Variants in NWD2 observed in about 807,000 individuals in gnomAD.
NWD2 encodes NACHT and WD repeat domain containing 2.
In NWD2, 37 loss-of-function variants were observed where a neutral mutation model predicts 132.7. The observed-to-expected ratio is 0.28, with a 90% CI of 0.21 to 0.37. NWD2 has a LOEUF of 0.37. Among genes scored for constraint, NWD2 ranks in the 10% least tolerant of loss-of-function variants. The pLI is 1.00. For synonymous variants in NWD2, 705 were observed against 803.0 expected (o/e 0.88, Z 2.06); for missense variants, 1,592 against 2,122.4 (o/e 0.75, Z 4.91).
chr4:37,348,675 T>TATATATATATATATAC (rs1308407988), intron 2 of NWD2, among the ~76,000 whole-genome samples: 10 of 22,576 alleles, frequency 4.4e-4, no homozygotes, highest in Non-Finnish European at 6.1e-4. Flanking sequence ...TATATATATA[T>TATATATATATATATAC]ACACACACAC....
chr4:37,377,360 C>T lies in NWD2; in HGVS notation c.357+20878C>T, dbSNP rs143425923. Among the ~76,000 whole-genome samples the T allele has an allele frequency of 4.1e-3, 626 of 152,262 alleles. 1 individual carries two copies. Among genetic ancestry groups the T allele is most frequent in the Non-Finnish European group, 4.5e-3 (305 of 68,024 alleles). On this transcript the variant is annotated intron_variant, in intron 3 of 6. Transcript: ENST00000309447. ...AGTAAAACAAAAAATTAAATTCACT[C>T]ATAAGGTTTTATGAAGACCTGCAAA...
At chr4:37,334,889 C>A (rs1170664926) in intron 2 of NWD2, among the ~76,000 whole-genome samples, 1 of 152,156 alleles carries the variant, frequency 6.6e-6, no homozygotes, top group African/African-American at 2.4e-5. Context: ...GATCTGCCAA[C>A]TCTACCTCCC....
At position 37,259,150 on chromosome 4, in the gene NWD2, T is replaced by C. The variant is rs554005746; in HGVS notation, c.151+13932T>C. 3.5e-4 allele frequency among the ~76,000 whole-genome samples: 54 copies of C among 152,314 alleles called. No homozygotes were observed. The South Asian group carries it at 0.01, about 29-fold the overall frequency. On this transcript the variant is annotated intron_variant, in intron 1 of 6. Transcript: ENST00000309447. Reference sequence around the variant, plus strand: ...ATAATCTAGATTATGCACTGCCCAGTGTTTATGAGCTGTGTAACCTGGGGC... The same window carrying C: ...ATAATCTAGATTATGCACTGCCCAGCGTTTATGAGCTGTGTAACCTGGGGC...
intron 1 of NWD2, among the ~76,000 whole-genome samples, chr4:37,260,342 T>G (rs1717604189): frequency 6.6e-6 from 1 of 152,154 alleles, no homozygotes; most frequent in African/African-American, 2.4e-5. Flanking sequence ...GACAAACAGG[T>G]TCTCTGGGGC....
rs1712562903 is a variant in NWD2, at chr4:37,444,091, G to A, written c.2103G>A (p.Leu701=). Residue 701 remains leucine (L), a synonymous_variant, in exon 7 of 7, where the codon CTG becomes CTA. Coordinates refer to ENST00000309447, the MANE Select transcript of NWD2 (RefSeq NM_001144990.2). The surrounding 1 kb of genome is among the most constrained non-coding windows in gnomAD (Gnocchi z 4.8). ...LKENTRPSNP[L]RVPYLYIARL... is the part of the protein sequence containing the mutation. ...AAAACACCAGACCCAGCAATCCCCT[G>A]AGAGTACCTTACTTGTACATTGCAA... 3 of 1,551,584 alleles carry A rather than the reference G, an allele frequency of 1.9e-6. No individual in the cohort carries two copies. Among genetic ancestry groups the A allele is most frequent in the South Asian group, 1.2e-5 (1 of 84,058 alleles).
At chr4:37,408,490 T>C (rs1393656547) in intron 3 of NWD2, among the ~76,000 whole-genome samples, 1 of 152,200 alleles carries the variant, frequency 6.6e-6, no homozygotes, top group Non-Finnish European at 1.5e-5. Flanking sequence ...TTTTCTTCTC[T>C]GGGCAGGGCA....
chr4:37,404,184 C>T (rs1348920138), intron 3 of NWD2, among the ~76,000 whole-genome samples: 1 of 152,142 alleles, frequency 6.6e-6, no homozygotes, highest in Non-Finnish European at 1.5e-5. Context: ...CATATACTTG[C>T]TGTGTGACCA....
chr4:37,252,818 C>T lies in NWD2; in HGVS notation c.151+7600C>T, dbSNP rs371281352. Among the ~76,000 whole-genome samples the T allele has an allele frequency of 2.8e-4, 43 of 152,314 alleles. No homozygotes were observed. In the South Asian group the frequency reaches 8.9e-3, roughly 32 times the overall value. On this transcript the variant is annotated intron_variant, in intron 1 of 6. Transcript: ENST00000309447. ...AAAGGAAATGGAAGCTGCCCATCCT[C>T]TTAAGGCCTGGGCTTGGAAGTCCCA...
intron 3 of NWD2, among the ~76,000 whole-genome samples, chr4:37,402,579 C>G (rs533267438): frequency 2.0e-5 from 3 of 152,192 alleles, no homozygotes; most frequent in East Asian, 1.9e-4. Flanking sequence ...TGTACTTCCC[C>G]CATATCTAGA....
At chr4:37,297,939 G>A (rs1477454780) in intron 1 of NWD2, among the ~76,000 whole-genome samples, 3 of 152,072 alleles carry the variant, frequency 2.0e-5, no homozygotes, top group African/African-American at 7.2e-5. Flanking sequence ...AATCATTGAT[G>A]TTCCAGCTAG....
chr4:37,428,312 C>G (rs1712062800), intron 3 of NWD2, among the ~76,000 whole-genome samples: 1 of 152,164 alleles, frequency 6.6e-6, no homozygotes, highest in African/African-American at 2.4e-5. Flanking sequence ...TGCTAAAATG[C>G]TAATCAACAA....
chr4:37,346,724 G>C (rs745922016), intron 2 of NWD2, among the ~76,000 whole-genome samples: 1 of 151,834 alleles, frequency 6.6e-6, no homozygotes, highest in South Asian at 2.1e-4. Flanking sequence ...TATAAATCTT[G>C]CATTTCTTTT....
At chr4:37,314,283 G>T (rs1206475518) in intron 1 of NWD2, among the ~76,000 whole-genome samples, 1 of 152,000 alleles carries the variant, frequency 6.6e-6, no homozygotes, top group Non-Finnish European at 1.5e-5. Flanking sequence ...ATGTCTGTCT[G>T]GTTTTGGGTG....
chr4:37,424,655 CTT>C (rs1711940779), intron 3 of NWD2, among the ~76,000 whole-genome samples: 1 of 152,090 alleles, frequency 6.6e-6, no homozygotes, highest in South Asian at 2.1e-4. Context: ...GTGGAGATCT[CTT>C]TTCCTTTACA....
intron 3 of NWD2, among the ~76,000 whole-genome samples, chr4:37,419,714 A>C (rs1233072594): frequency 6.6e-6 from 1 of 152,202 alleles, no homozygotes; most frequent in African/African-American, 2.4e-5. Flanking sequence ...TCTCAGAATT[A>C]GAAAAATGAA....
rs780612415 is a variant in NWD2 at position 37,444,137 on chromosome 4, G to A, written c.2149G>A (p.Gly717Arg). The stretch of plus-strand genomic sequence containing the variant: ...TGCAAGGCTCAAGGAGGGTCTCAGT[G>A]GATACCTAATAGAAAGACATGTGAA... ...YIARLKEGLS[G>R]YLIERHVKNV... Residue 717 changes from glycine to arginine, a missense_variant, in exon 7 of 7, where the codon GGA (glycine) becomes AGA (arginine). Gly to Arg is a moderately radical substitution (Grantham distance 125). Coordinates refer to ENST00000309447, the MANE Select transcript of NWD2 (RefSeq NM_001144990.2). This position sits in a 1 kb window ranked among gnomAD's most constrained non-coding sequence, Gnocchi z 4.8. The A allele has an allele frequency of 5.2e-6, 8 of 1,551,604 alleles. No individual in the cohort carries two copies. Among genetic ancestry groups the A allele is most frequent in the Middle Eastern group, 1.7e-4 (1 of 6,018 alleles).
At chr4:37,441,523 G>A (rs777256520) in intron 6 of NWD2, among the ~76,000 whole-genome samples, 2 of 152,192 alleles carry the variant, frequency 1.3e-5, no homozygotes, top group African/African-American at 2.4e-5. Context: ...TAGCACAAGA[G>A]GTCAAGACTT....
intron 1 of NWD2, among the ~76,000 whole-genome samples, chr4:37,288,079 A>G (rs1718273222): frequency 6.6e-6 from 1 of 152,158 alleles, no homozygotes; most frequent in Non-Finnish European, 1.5e-5. Context: ...GAAACACCAC[A>G]TGTTCTCACT....
chr4:37,285,032 G>GTT (rs968581819), intron 1 of NWD2, among the ~76,000 whole-genome samples: 1 of 151,542 alleles, frequency 6.6e-6, no homozygotes, highest in Non-Finnish European at 1.5e-5. Context: ...GTAGGGATGA[G>GTT]TTTTTTTTTA....
Sources: gnomAD v4.1 joint callset for allele counts (sites outside exome capture counted in the v4.1 genomes callset) on GRCh38, gnomAD v4.1.1 for gene constraint, Gnocchi (gnomAD v3.1) non-coding constraint, MANE v1.5 for transcripts, NCBI Gene and HGNC (gene_info 2026-07-23, HGNC 2026-07-21) for gene names.